C2orf76: variants seen among roughly 807,000 people sequenced by gnomAD.
C2orf76 encodes UPF0538 protein C2orf76.
In C2orf76, 23 loss-of-function variants were observed where a neutral mutation model predicts 16.9. The observed-to-expected ratio is 1.36, with a 90% CI of 0.98 to 1.93. C2orf76 has a LOEUF of 1.93. C2orf76 is among the 30% of genes most tolerant of loss of function. C2orf76 has a pLI of 0.00. For missense variants in C2orf76, 152 were observed against 152.6 expected (o/e 1.00, Z 0.02); for synonymous variants, 48 against 52.3 (o/e 0.92, Z 0.35).
chr2:119,301,107 CT>C (rs1165738534), downstream of C2orf76, among the ~76,000 whole-genome samples: 18 of 84,870 alleles, frequency 2.1e-4, 1 homozygote, highest in African/African-American at 7.2e-4. Flanking sequence ...ACACACACAA[CT>C]AATTTCTGTC....
In C2orf76 at chr2:119,323,206, TAGAC is replaced by T. The variant is rs1433321041; in HGVS notation, c.134-2006_134-2003del. Among the ~76,000 whole-genome samples, 4 of 148,610 alleles carry T rather than the reference TAGAC, an allele frequency of 2.7e-5. No homozygotes were observed. In the East Asian group the frequency reaches 5.9e-4, roughly 22 times the overall value. ...GTCCCGGCATTTTTTTTTTTTTTAA[TAGAC>T]AGGTTTCACTAGGTTGCCCAGGCTG... On this transcript the variant is annotated intron_variant, in intron 2 of 5. Coordinates refer to ENST00000334816, the MANE Select transcript of C2orf76 (RefSeq NM_001322331.2).
chr2:119,315,352 A>G (rs1679135257), intron 4 of C2orf76, among the ~76,000 whole-genome samples: 1 of 152,166 alleles, frequency 6.6e-6, no homozygotes, highest in African/African-American at 2.4e-5. Context: ...CCTTTTATGA[A>G]TGAGTTCATT....
chr2:119,335,327 C>T (rs1240618027), intron 2 of C2orf76, among the ~76,000 whole-genome samples: 1 of 152,098 alleles, frequency 6.6e-6, no homozygotes, highest in African/African-American at 2.4e-5. Context: ...ATCCTGGTTT[C>T]TAACACAATT....
intron 1 of C2orf76, among the ~76,000 whole-genome samples, chr2:119,348,572 G>C (rs1386215025): frequency 1.3e-5 from 2 of 152,148 alleles, no homozygotes; most frequent in East Asian, 3.9e-4. Context: ...TGTAATCCCA[G>C]CTACTCGGGA....
chr2:119,295,830 C>T, the C2orf76 span, among the ~76,000 whole-genome samples: 1 of 152,182 alleles, frequency 6.6e-6, no homozygotes, highest in Non-Finnish European at 1.5e-5. Flanking sequence ...ACTGAACACT[C>T]ATCCAAAGTG....
chr2:119,366,859 C>A (rs998696712), upstream of C2orf76: 22 of 722,994 alleles, frequency 3.0e-5, no homozygotes, highest in African/African-American at 1.8e-5. Context: ...TCGGGCGGGG[C>A]TAGCGCCGCG....
At chr2:119,300,507 C>T (rs1271308177), downstream of C2orf76, among the ~76,000 whole-genome samples, 1 of 152,188 alleles carries the variant, frequency 6.6e-6, no homozygotes, top group Non-Finnish European at 1.5e-5. Context: ...CCTCAACCTA[C>T]CTTTCTGGCC....
chr2:119,358,906 C>A (rs1205379972), intron 1 of C2orf76, among the ~76,000 whole-genome samples: 1 of 152,190 alleles, frequency 6.6e-6, no homozygotes. Flanking sequence ...AAGCTGGCTA[C>A]ACTAAACAAC....
chr2:119,306,238 C>T (rs1678779015), intron 5 of C2orf76, among the ~76,000 whole-genome samples: 1 of 152,144 alleles, frequency 6.6e-6, no homozygotes, highest in South Asian at 2.1e-4. Flanking sequence ...GGACTCACAC[C>T]TTAAGGAAAC....
At position 119,311,674 on chromosome 2, in the gene C2orf76, A is replaced by G. The variant is rs763949497; in HGVS notation, c.252T>C (p.Asp84=). 6.2e-7 allele frequency: 1 copy of G among 1,612,484 alleles called. No homozygotes were observed. The highest frequency in any genetic ancestry group is 1.7e-5 in the Admixed American group (1 of 59,896). ...KTNELVLSLE[D]DERLLLKEDS... ...CTTCTTTCAGCAGGAGTCTTTCGTC[A>G]TCTTCCAAACTCAACACAAGTTCAT... The change falls in exon 5 of 6, where the codon GAT becomes GAC. Residue 84 remains aspartate (D), a synonymous_variant. Transcript: ENST00000334816.
chr2:119,305,519 C>T (rs1678748526), intron 5 of C2orf76, among the ~76,000 whole-genome samples: 2 of 152,186 alleles, frequency 1.3e-5, no homozygotes, highest in Non-Finnish European at 2.9e-5. Context: ...TAGTATGAGG[C>T]ACAGCCCCTG....
chr2:119,357,560 A>T (rs1680608713), intron 1 of C2orf76, among the ~76,000 whole-genome samples: 1 of 151,552 alleles, frequency 6.6e-6, no homozygotes, highest in Non-Finnish European at 1.5e-5. Flanking sequence ...AGAGGGGAAC[A>T]TCTCAATTTG....
At chr2:119,309,397 T>C (rs1240775650) in intron 5 of C2orf76, among the ~76,000 whole-genome samples, 1 of 135,212 alleles carries the variant, frequency 7.4e-6, no homozygotes, top group African/African-American at 3.0e-5. Flanking sequence ...TTTCTCTTTT[T>C]CTTTTTTTTT....
At chr2:119,297,425 A>T (rs1250955779), downstream of C2orf76, among the ~76,000 whole-genome samples, 1 of 152,264 alleles carries the variant, frequency 6.6e-6, no homozygotes, top group East Asian at 1.9e-4. Context: ...AAAGAAAAAA[A>T]GGTCTGAAAG....
chr2:119,349,758 G>C (rs1680321807), intron 1 of C2orf76, among the ~76,000 whole-genome samples: 1 of 152,068 alleles, frequency 6.6e-6, no homozygotes, highest in South Asian at 2.1e-4. Flanking sequence ...CCCAGGCTGA[G>C]CCATGGGCCC....
chr2:119,327,336 ATTTTTTTTTTTTTT>A (rs34185420), intron 2 of C2orf76, among the ~76,000 whole-genome samples: 1 of 68,674 alleles, frequency 1.5e-5, no homozygotes, highest in African/African-American at 5.9e-5. Context: ...AATTACATGG[ATTTTTTTTTTTTTT>A]TTTTTTTTTT....
Position 119,319,267 on chromosome 2 carries a change from T to G in C2orf76, c.185-1764A>C, listed in dbSNP as rs528170261. On this transcript the variant is annotated intron_variant, in intron 3 of 5. Coordinates refer to ENST00000334816, the MANE Select transcript of C2orf76 (RefSeq NM_001322331.2). ...CTACATATTTTAGCAGAAAAAGAAA[T>G]GTTTTGAAGAGAAGTTTTTGCCAGA... Among the ~76,000 whole-genome samples, 94 of 152,160 alleles carry G rather than the reference T, an allele frequency of 6.2e-4. 2 individuals carry two copies. Among genetic ancestry groups the G allele is most frequent in the Non-Finnish European group, 1.1e-3 (74 of 68,030 alleles).
At chr2:119,283,122 A>G in the C2orf76 span, among the ~76,000 whole-genome samples, 1 of 152,184 alleles carries the variant, frequency 6.6e-6, no homozygotes, top group Admixed American at 6.5e-5. Context: ...GGTGGGAAGG[A>G]AGCCCAAGTC....
At chr2:119,332,276 C>T (rs541414698) in intron 2 of C2orf76, among the ~76,000 whole-genome samples, 1 of 109,384 alleles carries the variant, frequency 9.1e-6, no homozygotes, top group African/African-American at 3.7e-5. Context: ...AGCATAAACA[C>T]CTAAAGGAAA....
Sources: gnomAD v4.1 joint callset for allele counts (sites outside exome capture counted in the v4.1 genomes callset) on GRCh38, gnomAD v4.1.1 for gene constraint, MANE v1.5 for transcripts, NCBI Gene and HGNC (gene_info 2026-07-23, HGNC 2026-07-21) for gene names.